Variants in GPC5 observed in about 807,000 individuals in gnomAD.
The protein encoded by GPC5 is glypican-5.
In GPC5, 47 loss-of-function variants were observed where a neutral mutation model predicts 53.9. That is an observed-to-expected ratio of 0.87 (90% confidence interval 0.69 to 1.11). The LOEUF (loss-of-function observed/expected upper bound fraction) is 1.11. Among genes scored for constraint, GPC5 ranks in the 50% most tolerant of loss-of-function variants. The pLI is 0.00. For missense variants in GPC5, 748 were observed against 713.1 expected (o/e 1.05, Z -0.56); for synonymous variants, 286 against 263.3 (o/e 1.09, Z -0.84).
At chr13:92,346,921 C>G (rs758391169) in intron 7 of GPC5, among the ~76,000 whole-genome samples, 29 of 151,918 alleles carry the variant, frequency 1.9e-4, no homozygotes, top group Non-Finnish European at 4.4e-5. Context: ...ATAGATTCAA[C>G]AGAAGATGTG....
rs754646031 is a variant in GPC5 at position 92,116,930 on chromosome 13, C to T, written c.1402-27900C>T. Among the ~76,000 whole-genome samples, 14 of 152,140 alleles carry T rather than the reference C, an allele frequency of 9.2e-5. No individual in the cohort carries two copies. The South Asian group carries it at 1.7e-3, about 18-fold the overall frequency. On this transcript the variant is annotated intron_variant, in intron 6 of 7. Coordinates refer to ENST00000377067, the MANE Select transcript of GPC5 (RefSeq NM_004466.6). ...TTAAGTTTTGGGAATATTACATATT[C>T]GGAATACAGTTTCTTTATCAGATGT...
At chr13:91,400,739 A>T (rs1166249697) in intron 1 of GPC5, among the ~76,000 whole-genome samples, 1 of 151,936 alleles carries the variant, frequency 6.6e-6, no homozygotes. Context: ...ATTTCACTCC[A>T]CTCTGGTATC....
chr13:91,590,330 A>C (rs1374279031), intron 2 of GPC5, among the ~76,000 whole-genome samples: 1 of 152,060 alleles, frequency 6.6e-6, no homozygotes, highest in African/African-American at 2.4e-5. Context: ...ATGACTCATA[A>C]GATCTTCAAA....
At chr13:92,219,070 C>T (rs1170714207) in intron 7 of GPC5, among the ~76,000 whole-genome samples, 1 of 152,094 alleles carries the variant, frequency 6.6e-6, no homozygotes, top group Admixed American at 6.5e-5. Context: ...GAGAAGCAGT[C>T]TGTTTCTATG....
At chr13:91,891,532 G>A (rs1422597673) in intron 5 of GPC5, among the ~76,000 whole-genome samples, 1 of 152,046 alleles carries the variant, frequency 6.6e-6, no homozygotes, top group Non-Finnish European at 1.5e-5. Context: ...AATGACAAAT[G>A]CTCATGAATA....
chr13:92,013,957 T>A (rs1345901097), intron 6 of GPC5, among the ~76,000 whole-genome samples: 1 of 151,754 alleles, frequency 6.6e-6, no homozygotes, highest in African/African-American at 2.4e-5. Context: ...TCAATTTAAG[T>A]AAGAGATCAT....
intron 2 of GPC5, among the ~76,000 whole-genome samples, chr13:91,653,177 C>T (rs9589325): frequency 0.014 from 2,101 of 152,314 alleles, 42 homozygotes; most frequent in African/African-American, 0.047. Context: ...ACTTTTCAAA[C>T]GTTCCTGTAA....
At chr13:92,324,499 G>T (rs983322232) in intron 7 of GPC5, among the ~76,000 whole-genome samples, 1 of 151,802 alleles carries the variant, frequency 6.6e-6, no homozygotes, top group East Asian at 1.9e-4. Flanking sequence ...CCCCATACTT[G>T]AATATTAATG....
At chr13:92,847,484 C>A (rs979642760) in intron 7 of GPC5, among the ~76,000 whole-genome samples, 9 of 152,078 alleles carry the variant, frequency 5.9e-5, no homozygotes, top group African/African-American at 2.2e-4. Flanking sequence ...CTCATGAGAT[C>A]TGGTTGTTTA....
chr13:92,478,541 T>C (rs1203513943), intron 7 of GPC5, among the ~76,000 whole-genome samples: 3 of 152,188 alleles, frequency 2.0e-5, no homozygotes, highest in Non-Finnish European at 4.4e-5. Flanking sequence ...AACTTGGTAA[T>C]AACTTAATAT....
intron 7 of GPC5, among the ~76,000 whole-genome samples, chr13:92,531,359 G>T (rs1288487053): frequency 2.0e-5 from 3 of 151,348 alleles, no homozygotes; most frequent in African/African-American, 7.3e-5. Context: ...TACTTTTACT[G>T]GATTGCTACA....
rs1566277007 is a variant in GPC5 at position 92,527,207 on chromosome 13, A to AAGAAAGAAAGAAAGAAAGAAAGAAAG, written c.1562-339073_1562-339048dup. Reference sequence around the variant, plus strand: ...GAAGAAAGAAAGAAAGAAAGAAAGAAAGAAAGAAAGAAAGAAAGAAAGAAA... The same window carrying AAGAAAGAAAGAAAGAAAGAAAGAAAG: ...GAAGAAAGAAAGAAAGAAAGAAAGAAAGAAAGAAAGAAAGAAAGAAAGAAAGAGAAAGAAAGAAAGAAAGAAAGAAA... On this transcript the variant is annotated intron_variant, in intron 7 of 7. Coordinates refer to ENST00000377067, the MANE Select transcript of GPC5 (RefSeq NM_004466.6). Among the ~76,000 whole-genome samples, 18 of 33,146 alleles carry AAGAAAGAAAGAAAGAAAGAAAGAAAG rather than the reference A, an allele frequency of 5.4e-4. 2 individuals carry two copies. Among genetic ancestry groups the AAGAAAGAAAGAAAGAAAGAAAGAAAG allele is most frequent in the Admixed American group, 8.2e-4 (2 of 2,440 alleles). The allele number at this position is 33,146 out of a possible 152,430, so 21.7% of individuals were successfully genotyped here.
intron 7 of GPC5, among the ~76,000 whole-genome samples, chr13:92,850,852 A>T (rs1878772046): frequency 6.6e-6 from 1 of 152,224 alleles, no homozygotes. Context: ...TGAAAGAAAA[A>T]GTATTAAATC....
At chr13:92,471,331 T>C (rs1878901525) in intron 7 of GPC5, among the ~76,000 whole-genome samples, 1 of 152,106 alleles carries the variant, frequency 6.6e-6, no homozygotes. Flanking sequence ...TTTGCTCCAA[T>C]TTGGAGATGA....
At chr13:92,567,376 T>A (rs898773916) in intron 7 of GPC5, among the ~76,000 whole-genome samples, 2 of 152,118 alleles carry the variant, frequency 1.3e-5, no homozygotes, top group Non-Finnish European at 2.9e-5. Flanking sequence ...GCTGATAATA[T>A]GATTGCTGGC....
chr13:91,812,000 A>C (rs1291476953), intron 5 of GPC5, among the ~76,000 whole-genome samples: 2 of 152,214 alleles, frequency 1.3e-5, no homozygotes, highest in African/African-American at 2.4e-5. Context: ...CAGGTTGCTG[A>C]GTCTAGTGAA....
intron 7 of GPC5, among the ~76,000 whole-genome samples, chr13:92,613,888 C>G (rs1236869336): frequency 2.0e-5 from 3 of 150,810 alleles, no homozygotes; most frequent in African/African-American, 7.3e-5. Flanking sequence ...AAAATGAAAA[C>G]AAAACAAAAA....
intron 6 of GPC5, among the ~76,000 whole-genome samples, chr13:92,030,775 G>A (rs906843691): frequency 6.6e-6 from 1 of 152,226 alleles, no homozygotes; most frequent in South Asian, 2.1e-4. Context: ...TGCGCCATTT[G>A]CAGCGGGGAA....
intron 6 of GPC5, among the ~76,000 whole-genome samples, chr13:92,121,956 C>T (rs1290604406): frequency 6.6e-6 from 1 of 152,150 alleles, no homozygotes; most frequent in Non-Finnish European, 1.5e-5. Flanking sequence ...TTACCTCATT[C>T]GATTGTAATA....
Sources: gnomAD v4.1 joint callset for allele counts (sites outside exome capture counted in the v4.1 genomes callset) on GRCh38, gnomAD v4.1.1 for gene constraint, MANE v1.5 for transcripts, NCBI Gene and HGNC (gene_info 2026-07-23, HGNC 2026-07-21) for gene names.